Variants in SRGAP3 observed in about 807,000 individuals in gnomAD.
The protein encoded by SRGAP3 is SLIT-ROBO Rho GTPase-activating protein 3.
In SRGAP3, 39 loss-of-function variants were observed where a neutral mutation model predicts 121.1. That is an observed-to-expected ratio of 0.32 (90% CI 0.25 to 0.42). The LOEUF (loss-of-function observed/expected upper bound fraction) is 0.42. SRGAP3 is among the 10% of genes least tolerant of loss of function. The pLI is 1.00. For synonymous variants in SRGAP3, 601 were observed against 570.0 expected (o/e 1.05, Z -0.77); for missense variants, 1,213 against 1,470.6 (o/e 0.82, Z 2.86).
chr3:9,129,968 G>A (rs1342491303), intron 1 of SRGAP3, among the ~76,000 whole-genome samples: 3 of 152,014 alleles, frequency 2.0e-5, no homozygotes, highest in Non-Finnish European at 4.4e-5. Context: ...TACCATGTTA[G>A]CCAGGCTGGT....
At chr3:9,095,788 C>A (rs959000349) in intron 3 of SRGAP3, among the ~76,000 whole-genome samples, 3 of 152,088 alleles carry the variant, frequency 2.0e-5, no homozygotes, top group Non-Finnish European at 2.9e-5. Flanking sequence ...TATAACCTTG[C>A]GAGGTACAGT....
At chr3:9,287,630 C>G (rs971214570) in intron 3 of SRGAP3, among the ~76,000 whole-genome samples, 2 of 152,074 alleles carry the variant, frequency 1.3e-5, no homozygotes, top group East Asian at 1.9e-4. Flanking sequence ...GTGCAGTAAG[C>G]GTTGAAAAAC....
intron 3 of SRGAP3, among the ~76,000 whole-genome samples, chr3:9,281,713 C>T (rs1441443238): frequency 3.3e-5 from 5 of 152,076 alleles, no homozygotes; most frequent in Non-Finnish European, 5.9e-5. Flanking sequence ...TGCTCTGTTG[C>T]CCAGGCTGGA....
At chr3:9,129,073 T>C (rs1328094503) in intron 1 of SRGAP3, among the ~76,000 whole-genome samples, 1 of 152,216 alleles carries the variant, frequency 6.6e-6, no homozygotes, top group East Asian at 1.9e-4. Context: ...TTAAAATTGC[T>C]ATGTTAGTTT....
intron 4 of SRGAP3, among the ~76,000 whole-genome samples, chr3:9,065,705 G>A (rs1412744692): frequency 2.6e-5 from 4 of 152,132 alleles, no homozygotes; most frequent in Non-Finnish European, 5.9e-5. Context: ...TCCATTGTAT[G>A]GCTATGCCAC....
intron 3 of SRGAP3, among the ~76,000 whole-genome samples, chr3:9,268,007 G>A (rs1312464605): frequency 1.3e-5 from 2 of 152,086 alleles, no homozygotes; most frequent in Admixed American, 6.5e-5. Flanking sequence ...AGACCCCTGT[G>A]GAAGGAAGCA....
chr3:9,271,911 G>A (rs905255686), intron 3 of SRGAP3, among the ~76,000 whole-genome samples: 1 of 152,160 alleles, frequency 6.6e-6, no homozygotes, highest in Non-Finnish European at 1.5e-5. Context: ...GTGCATGGAA[G>A]GTCTGAGACC....
intron 3 of SRGAP3, among the ~76,000 whole-genome samples, chr3:9,285,864 T>C (rs12634843): frequency 0.15 from 22,308 of 151,960 alleles, 1,912 homozygotes; most frequent in South Asian, 0.2. Context: ...TCCCAGCATT[T>C]TGGGAGGCTG....
At chr3:9,036,177 A>ACAC (rs1944732382) in intron 11 of SRGAP3, 1 of 152,222 alleles carries the variant, frequency 6.6e-6, no homozygotes, top group African/African-American at 2.4e-5. Context: ...CCCATATGCA[A>ACAC]CACCAGTTCC....
At chr3:9,058,497 G>A in intron 6 of SRGAP3, 25 bp from the exon 7 acceptor site, 5 of 1,610,754 alleles carry the variant, frequency 3.1e-6, no homozygotes, top group Non-Finnish European at 4.2e-6. Context: ...ACAACGGAAG[G>A]TTATGGGTGA....
chr3:9,025,189 C>T (rs774441250), intron 14 of SRGAP3, 72 bp downstream of exon 14: 136 of 1,534,376 alleles, frequency 8.9e-5, no homozygotes, highest in Non-Finnish European at 1.2e-4. Flanking sequence ...ACACCACTGG[C>T]TCTGAGACAC....
chr3:9,202,348 C>T (rs1952093956), intron 1 of SRGAP3, among the ~76,000 whole-genome samples: 1 of 152,208 alleles, frequency 6.6e-6, no homozygotes, highest in Non-Finnish European at 1.5e-5. Context: ...CATAGCTGGA[C>T]CAGCTGAAAG....
chr3:9,129,274 CATA>C (rs914700042), intron 1 of SRGAP3, among the ~76,000 whole-genome samples: 13 of 139,416 alleles, frequency 9.3e-5, no homozygotes, highest in African/African-American at 3.4e-4. Context: ...TGGTATTATA[CATA>C]ATGTTACTCT....
intron 3 of SRGAP3, among the ~76,000 whole-genome samples, chr3:9,316,113 A>C (rs1016523260): frequency 6.6e-6 from 1 of 151,942 alleles, no homozygotes; most frequent in Non-Finnish European, 1.5e-5. Flanking sequence ...CAGTGGCACG[A>C]TCTCAGCTCA....
intron 1 of SRGAP3, among the ~76,000 whole-genome samples, chr3:9,246,921 C>G (rs1953847371): frequency 1.3e-5 from 2 of 152,114 alleles, no homozygotes; most frequent in African/African-American, 4.8e-5. Context: ...ACTCAGGGTA[C>G]TCGCTGCTTA....
chr3:9,260,256 T>C (rs1223382787), intron 3 of SRGAP3, among the ~76,000 whole-genome samples: 1 of 151,536 alleles, frequency 6.6e-6, no homozygotes, highest in East Asian at 1.9e-4. Context: ...GCTGCAGGAG[T>C]TTTTTTCGTA....
chr3:9,060,692 A>G, intron 5 of SRGAP3, among the ~76,000 whole-genome samples: 1 of 151,950 alleles, frequency 6.6e-6, no homozygotes, highest in East Asian at 1.9e-4. Context: ...CTCCCACCTT[A>G]GCCTCCCAAG....
intron 18 of SRGAP3, among the ~76,000 whole-genome samples, chr3:8,999,489 T>C (rs1353802633): frequency 6.6e-6 from 1 of 152,150 alleles, no homozygotes; most frequent in Non-Finnish European, 1.5e-5. Flanking sequence ...CCTGCCTGCA[T>C]GAAAGAGGGG....
At chr3:9,154,127 G>A (rs1325460352) in intron 1 of SRGAP3, among the ~76,000 whole-genome samples, 1 of 152,178 alleles carries the variant, frequency 6.6e-6, no homozygotes, top group Non-Finnish European at 1.5e-5. Context: ...CTGCAGCCCC[G>A]CTTTCCAGAT....
Sources: gnomAD v4.1 joint callset for allele counts (sites outside exome capture counted in the v4.1 genomes callset) on GRCh38, gnomAD v4.1.1 for gene constraint, MANE v1.5 for transcripts, NCBI Gene and HGNC (gene_info 2026-07-23, HGNC 2026-07-21) for gene names.